Variants in ANO1 observed in about 807,000 individuals in gnomAD.
The protein encoded by ANO1 is anoctamin 1, also known as anoctamin-1.
Under a neutral mutation model 124.0 loss-of-function variants are expected in ANO1, and 59 were observed. The ratio of observed to expected loss-of-function variants is 0.48; its 90% CI spans 0.39 to 0.59. The LOEUF (loss-of-function observed/expected upper bound fraction) is 0.59, where lower values mean the gene tolerates loss of function less well. Among genes scored for constraint, ANO1 ranks in the 20% least tolerant of loss-of-function variants. The probability of loss-of-function intolerance (pLI) is 0.00; values close to 1 mark genes in which losing one functional copy is unlikely to be tolerated. For missense variants in ANO1, 1,059 were observed against 1,328.0 expected, an observed-to-expected ratio of 0.80 and a Z score of 3.15; for synonymous variants, 529 against 532.0, an observed-to-expected ratio of 0.99 and a Z score of 0.08.
chr11:70,128,121 A>G (rs556015522), intron 10 of ANO1, among the ~76,000 whole-genome samples: 66 of 152,342 alleles, frequency 4.3e-4, no homozygotes, highest in African/African-American at 1.4e-3. Context: ...TTTTTGTTTA[A>G]GTGATGTTTT....
chr11:70,152,485 C>G (rs2047644821), intron 13 of ANO1, 24 bp downstream of exon 13: 2 of 1,611,384 alleles, frequency 1.2e-6, no homozygotes, highest in African/African-American at 2.7e-5. Flanking sequence ...TGTCGCTCCT[C>G]TATCTTCCCA....
chr11:70,112,553 C>CTTTTT (rs11357130), intron 7 of ANO1, among the ~76,000 whole-genome samples: 4 of 136,832 alleles, frequency 2.9e-5, no homozygotes, highest in South Asian at 2.3e-4. Context: ...CTTTTCTTTT[C>CTTTTT]TTTTTTTTTT....
intron 1 of ANO1, among the ~76,000 whole-genome samples, chr11:70,035,397 G>A (rs1304479582): frequency 6.6e-6 from 1 of 151,942 alleles, no homozygotes; most frequent in African/African-American, 2.4e-5. Context: ...TTTTCTTTAA[G>A]CAAAACCAAA....
upstream of ANO1, among the ~76,000 whole-genome samples, chr11:69,981,051 C>CA (rs1458359384): frequency 1.3e-5 from 2 of 151,846 alleles, no homozygotes; most frequent in South Asian, 2.1e-4. Flanking sequence ...GACTCCTTTA[C>CA]AAAAAAATAA....
At chr11:70,002,602 T>C (rs1856406230) in intron 1 of ANO1, among the ~76,000 whole-genome samples, 1 of 152,190 alleles carries the variant, frequency 6.6e-6, no homozygotes. Context: ...CTACGTCATC[T>C]CAGTTTGTGT....
intron 22 of ANO1, among the ~76,000 whole-genome samples, chr11:70,173,820 G>A (rs556100026): frequency 1.6e-4 from 25 of 152,166 alleles, no homozygotes; most frequent in South Asian, 4.1e-4. Flanking sequence ...GGAGGCCGAC[G>A]CAGGTGGATC....
In ANO1 at chr11:70,003,600, TGG is replaced by T. The variant is rs1554999650; in HGVS notation, c.58+17435_58+17436del. ...AATTGTTGGTGGATGGATGGGTGGA[TGG>T]ATGGATGGATGGATGGATGGATGGA... On this transcript the variant is annotated intron_variant, in intron 1 of 27. Coordinates refer to the ANO1 transcript ENST00000531349. 3.0e-3 allele frequency among the ~76,000 whole-genome samples: 109 copies of T among 36,094 alleles called. 1 individual carries two copies. Among genetic ancestry groups the T allele is most frequent in the East Asian group, 0.011 (28 of 2,658 alleles). The allele number at this position is 36,094 out of a possible 152,430, so 23.7% of individuals were successfully genotyped here.
At chr11:70,133,291 AGT>A (rs1367604634) in intron 11 of ANO1, among the ~76,000 whole-genome samples, 2 of 152,182 alleles carry the variant, frequency 1.3e-5, no homozygotes, top group East Asian at 3.9e-4. Context: ...CCTAGGATTC[AGT>A]ACCGTGCCCC....
chr11:70,112,080 C>A (rs553877989), intron 7 of ANO1, among the ~76,000 whole-genome samples: 4 of 152,236 alleles, frequency 2.6e-5, no homozygotes, highest in African/African-American at 4.8e-5. Context: ...CCCCTACCCC[C>A]AGCTGGCCCG....
At chr11:69,986,843 T>C (rs1456273165) in intron 1 of ANO1, among the ~76,000 whole-genome samples, 1 of 152,106 alleles carries the variant, frequency 6.6e-6, no homozygotes, top group East Asian at 1.9e-4. Context: ...GGTTATTAAA[T>C]AAACCTAAGA....
intron 1 of ANO1, among the ~76,000 whole-genome samples, chr11:70,007,576 G>A (rs921665315): frequency 1.1e-4 from 16 of 152,206 alleles, no homozygotes; most frequent in Non-Finnish European, 2.4e-4. Context: ...CACCGCGCCC[G>A]GCCACCTCCT....
chr11:70,124,424 C>T lies in ANO1; in HGVS notation c.962+10C>T, dbSNP rs753727024. ...CCATCGACCTGGTCAGGTAAGAACG[C>T]GCCACAGCCTGCGGGAATCAAGTCC... On this transcript the variant is annotated intron_variant, in intron 9 of 25. Transcript: ENST00000355303. 3.7e-5 allele frequency: 60 copies of T among 1,613,364 alleles called. No individual in the cohort carries two copies. The Middle Eastern group carries it at 4.9e-4, about 13-fold the overall frequency.
rs75959241 is a variant in ANO1, at chr11:70,107,668, G to A, written c.748-685G>A. 8.5e-5 allele frequency among the ~76,000 whole-genome samples: 13 copies of A among 152,308 alleles called. No individual in the cohort carries two copies. The East Asian group carries it at 2.3e-3, about 27-fold the overall frequency. ...AACTGAGGCCGGGAGTGGTGATGTC[G>A]CTGGTCCAAAATCACACAGCTGCAA... On this transcript the variant is annotated intron_variant, in intron 5 of 25. Transcript: ENST00000355303.
chr11:69,966,370 C>G, the ANO1 span, among the ~76,000 whole-genome samples: 1 of 152,228 alleles, frequency 6.6e-6, no homozygotes, highest in Non-Finnish European at 1.5e-5. Flanking sequence ...ATGATTAACC[C>G]ACACCTGCCA....
At chr11:70,058,954 C>A (rs1412032976) in intron 1 of ANO1, among the ~76,000 whole-genome samples, 1 of 151,586 alleles carries the variant, frequency 6.6e-6, no homozygotes, top group Admixed American at 6.6e-5. Context: ...GAGGCTGAGG[C>A]GGGCAGATCA....
At chr11:70,171,075 A>G (rs2048451823) in intron 22 of ANO1, 36 bp downstream of exon 22, 1 of 1,600,306 alleles carries the variant, frequency 6.2e-7, no homozygotes, top group Non-Finnish European at 8.5e-7. Flanking sequence ...ACCGGTTCCG[A>G]GTGCGTGCTG....
chr11:70,040,662 G>A (rs774632524), intron 1 of ANO1, among the ~76,000 whole-genome samples: 3 of 152,124 alleles, frequency 2.0e-5, no homozygotes, highest in Non-Finnish European at 2.9e-5. Flanking sequence ...GTGACAGAGC[G>A]AGACTCTGTC....
intron 1 of ANO1, among the ~76,000 whole-genome samples, chr11:69,991,728 A>C (rs1277882674): frequency 6.6e-6 from 1 of 152,236 alleles, no homozygotes. Flanking sequence ...TGAGGGATAC[A>C]GTGTATCCAC....
chr11:70,182,167 A>G (rs2048952692), intron 23 of ANO1, among the ~76,000 whole-genome samples: 1 of 150,108 alleles, frequency 6.7e-6, no homozygotes, highest in Admixed American at 6.6e-5. Flanking sequence ...CCCTGTTTTG[A>G]CAAGAAGAAA....
Sources: allele counts gnomAD v4.1 joint callset (sites outside exome capture counted in the v4.1 genomes callset), GRCh38; gene constraint gnomAD v4.1.1; transcripts MANE v1.5; gene names NCBI Gene and HGNC (gene_info 2026-07-23, HGNC 2026-07-21).